Variants in MOXD1 observed in about 807,000 individuals in gnomAD.
The protein encoded by MOXD1 is DBH-like monooxygenase protein 1.
A neutral mutation model predicts 66.6 loss-of-function variants in MOXD1; 62 were observed. The observed-to-expected ratio is 0.93, with a 90% confidence interval of 0.76 to 1.15. The LOEUF is 1.15. Ranked by LOEUF, MOXD1 falls within the 50% of genes most tolerant of loss-of-function variation. MOXD1 has a pLI of 0.00. For missense variants in MOXD1, 847 were observed against 754.6 expected, an observed-to-expected ratio of 1.12 and a Z score of -1.44; for synonymous variants, 303 against 281.9, an observed-to-expected ratio of 1.07 and a Z score of -0.75.
At chr6:132,318,609 T>G (rs1775007492) in intron 9 of MOXD1, among the ~76,000 whole-genome samples, 1 of 152,188 alleles carries the variant, frequency 6.6e-6, no homozygotes, top group South Asian at 2.1e-4. Flanking sequence ...TTTTTCCCAG[T>G]TTAAAACTCT....
chr6:132,392,114 T>G, intron 1 of MOXD1: 1 of 1,430,814 alleles, frequency 7.0e-7, no homozygotes, highest in African/African-American at 1.4e-5. Context: ...TCCAAACATT[T>G]CTTTGTCGCC....
chr6:132,401,348 G>T lies in MOXD1; in HGVS notation c.79C>A (p.His27Asn). 6.3e-7 allele frequency: 1 copy of T among 1,575,470 alleles called. No homozygotes were observed. Residue 27 changes from histidine to asparagine, a missense_variant, in exon 1 of 12, where the codon CAC becomes AAC. By Grantham distance (68) the His-to-Asn change is moderately conservative (BLOSUM62 1). Coordinates refer to ENST00000367963, the MANE Select transcript of MOXD1 (RefSeq NM_015529.4). The part of the protein sequence containing the change: ...AAGGSGRTYP[H>N]RTLLDSEGKY... ...CCCTCCGAGTCCAGGAGGGTCCGGT[G>T]CGGATAGGTTCGGCCCGAGCCCCCC...
rs1199501420 is a variant in MOXD1, at chr6:132,346,469, T to G, written c.664-17875A>C. ...GGAATAACATCAATGACATTTTTTA[T>G]TTCTCTGAGCATAGTCTAAAGGCTA... On this transcript the variant is annotated intron_variant, in intron 4 of 11. Coordinates refer to ENST00000367963, the MANE Select transcript of MOXD1 (RefSeq NM_015529.4). Among the ~76,000 whole-genome samples, 5 of 152,308 alleles carry G rather than the reference T, an allele frequency of 3.3e-5. No homozygotes were observed. In the East Asian group the frequency reaches 9.7e-4, roughly 29 times the overall value.
chr6:132,384,270 CTTCCTTCCT>C (rs1467112788), intron 1 of MOXD1, among the ~76,000 whole-genome samples: 3 of 129,390 alleles, frequency 2.3e-5, no homozygotes, highest in Admixed American at 8.1e-5. Flanking sequence ...TCCTTCCTTC[CTTCCTTCCT>C]TCCTTCCTTC....
chr6:132,386,423 C>CAAAAAAAAAAAAAA (rs1221040038), intron 1 of MOXD1, among the ~76,000 whole-genome samples: 1 of 79,198 alleles, frequency 1.3e-5, no homozygotes, highest in African/African-American at 4.6e-5. Context: ...CAAAACAAAA[C>CAAAAAAAAAAAAAA]AAAACAAAAC....
chr6:132,378,716 C>T (rs950745793), intron 1 of MOXD1, among the ~76,000 whole-genome samples: 3 of 151,902 alleles, frequency 2.0e-5, no homozygotes, highest in African/African-American at 7.2e-5. Context: ...AACAGAGGTA[C>T]TCTGAATAGC....
At chr6:132,372,790 T>A (rs1468391898) in intron 3 of MOXD1, 40 bp downstream of exon 3, 2 of 1,611,060 alleles carry the variant, frequency 1.2e-6, no homozygotes, top group Non-Finnish European at 8.5e-7. Flanking sequence ...ACACTTTCAA[T>A]AAGCCCATCC....
intron 10 of MOXD1, among the ~76,000 whole-genome samples, chr6:132,300,348 T>A (rs1181961101): frequency 6.6e-6 from 1 of 152,236 alleles, no homozygotes; most frequent in Non-Finnish European, 1.5e-5. Context: ...TTGCATACAA[T>A]GTCCTTTTAA....
At chr6:132,395,248 G>A (rs894034019) in intron 1 of MOXD1, among the ~76,000 whole-genome samples, 6 of 152,078 alleles carry the variant, frequency 3.9e-5, no homozygotes, top group Admixed American at 1.3e-4. Flanking sequence ...TCCCAGACAA[G>A]CAAAAGCTGA....
chr6:132,392,292 A>G (rs962066798), intron 1 of MOXD1: 22 of 1,600,280 alleles, frequency 1.4e-5, no homozygotes, highest in Non-Finnish European at 1.9e-5. Flanking sequence ...TGAGACAAGC[A>G]AGCAAGGCTG....
In MOXD1 at chr6:132,328,400, A is replaced by C. The variant is rs767702851; in HGVS notation, c.843+15T>G. The C allele has an allele frequency of 6.2e-7, 1 of 1,613,274 alleles. No individual in the cohort carries two copies. The highest frequency in any genetic ancestry group is 8.5e-7 in the Non-Finnish European group (1 of 1,179,476). Reference sequence around the variant, plus strand: ...TCAGTTAATTGTGTTACATCTCAGTAATCATTAGCCCCACCTCTCCACCAA... The same window carrying C: ...TCAGTTAATTGTGTTACATCTCAGTCATCATTAGCCCCACCTCTCCACCAA... On this transcript the variant is annotated intron_variant, in intron 5 of 11. Transcript: ENST00000367963.
chr6:132,356,030 G>A (rs568906559), intron 4 of MOXD1, among the ~76,000 whole-genome samples: 2 of 152,186 alleles, frequency 1.3e-5, no homozygotes, highest in East Asian at 1.9e-4. Context: ...TTCACAACAG[G>A]CAAAATTAGT....
In MOXD1 at chr6:132,363,830, A is replaced by G. The variant is rs184291570; in HGVS notation, c.663+8778T>C. On this transcript the variant is annotated intron_variant, in intron 4 of 11. Coordinates refer to ENST00000367963, the MANE Select transcript of MOXD1 (RefSeq NM_015529.4). The stretch of plus-strand genomic sequence containing the variant: ...AAGTCATTCATAATTTAATGTTACC[A>G]CACCTCTTAATCCCATTGTGCTATC... 3.9e-3 allele frequency among the ~76,000 whole-genome samples: 598 copies of G among 152,342 alleles called. 4 individuals are homozygous for G. Among genetic ancestry groups the G allele is most frequent in the Middle Eastern group, 0.024 (7 of 294 alleles).
intron 4 of MOXD1, among the ~76,000 whole-genome samples, chr6:132,336,753 A>G (rs1040604996): frequency 5.3e-5 from 8 of 152,174 alleles, no homozygotes; most frequent in African/African-American, 1.9e-4. Flanking sequence ...AAGAAAAGGA[A>G]GGAAAAAGAG....
rs781772801 is a variant in MOXD1, at chr6:132,374,763, A to G, written c.279T>C (p.Asn93=). ...GRPYLQDYFT[N]ANRELKKDAQ... ...CATCTTTTTTCAACTCTCTATTTGCATTTGTAAAATAATCCTGTGGAAAAT... is the reference window on the plus strand; with the variant it reads ...CATCTTTTTTCAACTCTCTATTTGCGTTTGTAAAATAATCCTGTGGAAAAT... Residue 93 remains asparagine, a synonymous_variant, in exon 2 of 12, where the codon AAT becomes AAC. Coordinates refer to ENST00000367963, the MANE Select transcript of MOXD1 (RefSeq NM_015529.4). 6.2e-7 allele frequency: 1 copy of G among 1,613,710 alleles called. No homozygotes were observed. The highest frequency in any genetic ancestry group is 8.5e-7 in the Non-Finnish European group (1 of 1,179,700).
intron 1 of MOXD1, among the ~76,000 whole-genome samples, chr6:132,378,130 T>C (rs1216052047): frequency 6.6e-6 from 1 of 151,762 alleles, no homozygotes; most frequent in Non-Finnish European, 1.5e-5. Context: ...AGAAACTCCA[T>C]CTCAAAAAAA....
In MOXD1 at chr6:132,396,552, C is replaced by G. The variant is rs537898282; in HGVS notation, c.264+4611G>C. ...AAGATCAGAGCAACACTAAACAAAA[C>G]AGAGACAAAAAAAATACAAAGGATC... On this transcript the variant is annotated intron_variant, in intron 1 of 11. Transcript: ENST00000367963. Among the ~76,000 whole-genome samples the G allele has an allele frequency of 4.2e-5, 4 of 94,230 alleles. No individual in the cohort carries two copies. The East Asian group carries it at 2.2e-3, about 53-fold the overall frequency. 61.8% of individuals were successfully genotyped at this position (94,230 alleles called of 152,430 possible).
intron 4 of MOXD1, among the ~76,000 whole-genome samples, chr6:132,345,420 T>A (rs969909368): frequency 6.6e-6 from 1 of 150,750 alleles, no homozygotes; most frequent in Admixed American, 6.6e-5. Flanking sequence ...CTTCCTCTTC[T>A]AAAAAAAAAG....
At chr6:132,335,655 C>T (rs1455512867) in intron 4 of MOXD1, among the ~76,000 whole-genome samples, 1 of 152,180 alleles carries the variant, frequency 6.6e-6, no homozygotes, top group Non-Finnish European at 1.5e-5. Flanking sequence ...GACTCCTGAT[C>T]TCCAGAGCTG....
Sources: gnomAD v4.1 joint callset for allele counts (sites outside exome capture counted in the v4.1 genomes callset) on GRCh38, gnomAD v4.1.1 for gene constraint, MANE v1.5 for transcripts, NCBI Gene and HGNC (gene_info 2026-07-23, HGNC 2026-07-21) for gene names.